Variants in NALF1 observed in about 807,000 individuals in gnomAD.
NALF1 encodes the protein NALCN channel auxiliary factor 1, also known as family with sequence similarity 155 member A.
In NALF1, 3 loss-of-function variants were observed where a neutral mutation model predicts 48.4. The observed-to-expected ratio is 0.06, with a 90% CI of 0.03 to 0.16. The LOEUF (loss-of-function observed/expected upper bound fraction) is 0.16, where lower values mean the gene tolerates loss of function less well. Among genes scored for constraint, NALF1 ranks in the 10% least tolerant of loss-of-function variants. The probability of loss-of-function intolerance (pLI) is 1.00; values close to 1 mark genes in which losing one functional copy is unlikely to be tolerated. For synonymous variants in NALF1, 262 were observed against 245.7 expected, an observed-to-expected ratio of 1.07 and a Z score of -0.62; for missense variants, 526 against 571.5, an observed-to-expected ratio of 0.92 and a Z score of 0.81.
intron 1 of NALF1, among the ~76,000 whole-genome samples, chr13:107,294,908 G>T (rs960869218): frequency 6.6e-6 from 1 of 152,184 alleles, no homozygotes; most frequent in African/African-American, 2.4e-5. Context: ...ACTGAAGAAA[G>T]AATATTGGAA....
At chr13:107,452,213 T>C (rs1391205034) in intron 1 of NALF1, among the ~76,000 whole-genome samples, 1 of 152,150 alleles carries the variant, frequency 6.6e-6, no homozygotes, top group East Asian at 1.9e-4. Flanking sequence ...CTCTAAAATG[T>C]AAAACCCTGG....
In NALF1 at chr13:107,644,864, C is replaced by A. The variant is rs557725895; in HGVS notation, c.915+220818G>T. Reference sequence around the variant, plus strand: ...ATCCTTGCCTCATACTGCTGTACAGCAAAAATAATCACTGCCGTAGATGTG... The same window carrying A: ...ATCCTTGCCTCATACTGCTGTACAGAAAAAATAATCACTGCCGTAGATGTG... On this transcript the variant is annotated intron_variant, in intron 1 of 2. Transcript: ENST00000375915. Among the ~76,000 whole-genome samples the A allele has an allele frequency of 2.7e-3, 403 of 151,814 alleles. 1 individual carries two copies. The highest frequency in any genetic ancestry group is 9.4e-3 in the African/African-American group (389 of 41,440).
intron 1 of NALF1, among the ~76,000 whole-genome samples, chr13:107,373,326 A>C (rs1248195463): frequency 6.6e-6 from 1 of 152,198 alleles, no homozygotes; most frequent in Admixed American, 6.5e-5. Flanking sequence ...GAAGATTTTG[A>C]ATACCAGATG....
At chr13:107,855,305 G>A (rs978209400) in intron 1 of NALF1, among the ~76,000 whole-genome samples, 2 of 152,148 alleles carry the variant, frequency 1.3e-5, no homozygotes, top group Non-Finnish European at 1.5e-5. Context: ...CTGGCAGCCC[G>A]GGAGAGCTTT....
intron 1 of NALF1, among the ~76,000 whole-genome samples, chr13:107,431,834 T>A (rs528917286): frequency 3.5e-4 from 54 of 152,258 alleles, no homozygotes; most frequent in Admixed American, 9.8e-4. Context: ...TGAATTAACT[T>A]CTCTAAAGTG....
intron 1 of NALF1, among the ~76,000 whole-genome samples, chr13:107,743,064 G>T (rs1876683978): frequency 6.6e-6 from 1 of 152,174 alleles, no homozygotes; most frequent in African/African-American, 2.4e-5. Flanking sequence ...TGGCTAGGCT[G>T]GGAGGCCTGG....
chr13:107,851,281 T>C (rs968728703), intron 1 of NALF1, among the ~76,000 whole-genome samples: 1 of 152,124 alleles, frequency 6.6e-6, no homozygotes, highest in Non-Finnish European at 1.5e-5. Flanking sequence ...AGCTTCTAAT[T>C]TGGAAAACAA....
In NALF1 at chr13:107,511,232, C is replaced by T. The variant is rs549749942; in HGVS notation, c.916-300477G>A. On this transcript the variant is annotated intron_variant, in intron 1 of 2. Coordinates refer to ENST00000375915, the MANE Select transcript of NALF1 (RefSeq NM_001080396.3). Reference sequence around the variant, plus strand: ...TAGTGAGCAGAAGCAAGTCTCAAATCCGACTCTTCCGTTGTCTGTACATAG... The same window carrying T: ...TAGTGAGCAGAAGCAAGTCTCAAATTCGACTCTTCCGTTGTCTGTACATAG... Among the ~76,000 whole-genome samples, 5 of 152,282 alleles carry T rather than the reference C, an allele frequency of 3.3e-5. No individual in the cohort carries two copies. The South Asian group carries it at 1.0e-3, about 32-fold the overall frequency.
Position 107,166,169 on chromosome 13 carries a change from C to T in NALF1, c.*4328G>A, listed in dbSNP as rs973070067. The T allele has an allele frequency of 3.9e-5, 6 of 152,150 alleles. No individual in the cohort carries two copies. The highest frequency in any genetic ancestry group is 1.4e-4 in the African/African-American group (6 of 41,410). The allele number at this position is 152,150 out of a possible 1,614,324, so 9.4% of individuals were successfully genotyped here. A position where few individuals can be genotyped will look rare whatever the true frequency, so the allele number is the denominator to read the frequency against. On this transcript the variant is annotated 3_prime_UTR_variant, in exon 3 of 3. Transcript: ENST00000375915. Reference sequence around the variant, plus strand: ...GTGTGGTATCTCACGCCTGTAATCCCAACACTTTGGGAGGCCTAATCGGCG... The same window carrying T: ...GTGTGGTATCTCACGCCTGTAATCCTAACACTTTGGGAGGCCTAATCGGCG...
intron 1 of NALF1, among the ~76,000 whole-genome samples, chr13:107,524,650 A>G (rs1876366919): frequency 6.6e-6 from 1 of 152,088 alleles, no homozygotes; most frequent in Non-Finnish European, 1.5e-5. Flanking sequence ...CAAAGCCTCA[A>G]AGCACTTTGC....
At chr13:107,863,957 G>A (rs993589532) in intron 1 of NALF1, among the ~76,000 whole-genome samples, 3 of 152,138 alleles carry the variant, frequency 2.0e-5, no homozygotes, top group Non-Finnish European at 4.4e-5. Flanking sequence ...TGCAGGGAAG[G>A]AGGCAAATAT....
chr13:107,754,354 A>AACACACACACACACAC (rs6145234), intron 1 of NALF1, among the ~76,000 whole-genome samples: 2 of 142,412 alleles, frequency 1.4e-5, no homozygotes, highest in South Asian at 4.7e-4. Context: ...GTACATTGTG[A>AACACACACACACACAC]ACACACACAC....
At chr13:107,231,133 G>A (rs956181638) in intron 1 of NALF1, among the ~76,000 whole-genome samples, 1 of 150,182 alleles carries the variant, frequency 6.7e-6, no homozygotes, top group South Asian at 2.1e-4. Flanking sequence ...AGATACAAGC[G>A]CTTATAATTT....
At chr13:107,220,725 C>A (rs543571308) in intron 1 of NALF1, among the ~76,000 whole-genome samples, 2 of 152,080 alleles carry the variant, frequency 1.3e-5, no homozygotes, top group Admixed American at 6.6e-5. Context: ...TGAATGCTCC[C>A]GTCAGTGCAC....
At chr13:107,328,822 C>T (rs942065965) in intron 1 of NALF1, among the ~76,000 whole-genome samples, 2 of 152,182 alleles carry the variant, frequency 1.3e-5, no homozygotes, top group South Asian at 2.1e-4. Context: ...TGGTGGCCAA[C>T]GCTATCAAAA....
chr13:107,705,767 G>A (rs777573695), intron 1 of NALF1, among the ~76,000 whole-genome samples: 2 of 152,046 alleles, frequency 1.3e-5, no homozygotes, highest in Admixed American at 6.6e-5. Flanking sequence ...AAACAATTAT[G>A]CCTTTCAGCA....
chr13:107,437,723 A>C (rs1017972932), intron 1 of NALF1, among the ~76,000 whole-genome samples: 6 of 152,226 alleles, frequency 3.9e-5, no homozygotes, highest in African/African-American at 1.4e-4. Flanking sequence ...AAAAAGGGGC[A>C]AGAGAACATT....
At chr13:107,625,707 A>G (rs977264866) in intron 1 of NALF1, among the ~76,000 whole-genome samples, 4 of 152,122 alleles carry the variant, frequency 2.6e-5, no homozygotes, top group Non-Finnish European at 4.4e-5. Context: ...GCAGAATTTT[A>G]TAGTTTCCCC....
chr13:107,772,225 A>G (rs1171529134), intron 1 of NALF1, among the ~76,000 whole-genome samples: 2 of 152,038 alleles, frequency 1.3e-5, no homozygotes, highest in Admixed American at 6.6e-5. Context: ...CACTTTGGCT[A>G]CTTTACTTTC....
Sources: allele counts gnomAD v4.1 joint callset (sites outside exome capture counted in the v4.1 genomes callset), GRCh38; gene constraint gnomAD v4.1.1; transcripts MANE v1.5; gene names NCBI Gene and HGNC (gene_info 2026-07-23, HGNC 2026-07-21).